Variants in RAI14 observed in about 807,000 individuals in gnomAD.
The protein encoded by RAI14 is ankycorbin.
A neutral mutation model predicts 115.4 loss-of-function variants in RAI14; 45 were observed. That is an observed-to-expected ratio of 0.39 (90% confidence interval 0.31 to 0.50). RAI14 has a LOEUF of 0.50. Among genes scored for constraint, RAI14 ranks in the 20% least tolerant of loss-of-function variants. The probability of loss-of-function intolerance (pLI) is 0.85; values close to 1 mark genes in which losing one functional copy is unlikely to be tolerated. For missense variants in RAI14, 939 were observed against 1,131.2 expected (o/e 0.83, Z 2.44); for synonymous variants, 371 against 415.4 (o/e 0.89, Z 1.30).
At chr5:34,764,572 A>T (rs62355688) in intron 3 of RAI14, among the ~76,000 whole-genome samples, 114 of 146,292 alleles carry the variant, frequency 7.8e-4, no homozygotes, top group Middle Eastern at 3.7e-3. Context: ...TCTCTCTCTC[A>T]CACACAAATA....
At chr5:34,664,725 G>A (rs1742974724) in intron 1 of RAI14, among the ~76,000 whole-genome samples, 1 of 151,626 alleles carries the variant, frequency 6.6e-6, no homozygotes, top group African/African-American at 2.4e-5. Context: ...CCCATCACCT[G>A]AGCAGTATAC....
chr5:34,688,272 C>T, intron 2 of RAI14: 1 of 1,533,690 alleles, frequency 6.5e-7, no homozygotes, highest in Non-Finnish European at 8.8e-7. Flanking sequence ...AAATGTTGCC[C>T]AATTCAGCAG....
intron 2 of RAI14, among the ~76,000 whole-genome samples, chr5:34,707,993 A>C (rs1190643807): frequency 1.3e-5 from 2 of 152,194 alleles, no homozygotes; most frequent in East Asian, 3.9e-4. Context: ...GAAAGGAAGG[A>C]AGTGAAAGTC....
chr5:34,767,647 G>T (rs980028469), intron 3 of RAI14, among the ~76,000 whole-genome samples: 1 of 129,480 alleles, frequency 7.7e-6, no homozygotes, highest in Non-Finnish European at 1.6e-5. Flanking sequence ...CAAGTCTGGC[G>T]TATCATTCAA....
chr5:34,824,946 C>CAAAA (rs1174399473), intron 15 of RAI14, among the ~76,000 whole-genome samples: 41 of 66,520 alleles, frequency 6.2e-4, no homozygotes, highest in Non-Finnish European at 8.9e-4. Context: ...GACTTCATCT[C>CAAAA]AAAAAAAAAA....
At chr5:34,660,685 A>G (rs946088322) in intron 1 of RAI14, among the ~76,000 whole-genome samples, 5 of 151,912 alleles carry the variant, frequency 3.3e-5, no homozygotes, top group African/African-American at 7.3e-5. Flanking sequence ...TTAGTGACGC[A>G]TTTTTACCCT....
chr5:34,810,429 T>C (rs144156408), intron 7 of RAI14, among the ~76,000 whole-genome samples: 8 of 152,324 alleles, frequency 5.3e-5, no homozygotes, highest in African/African-American at 1.9e-4. Context: ...CCCAAAGGGG[T>C]TGCAATTGTC....
At chr5:34,683,624 A>G (rs113387973) in intron 1 of RAI14, among the ~76,000 whole-genome samples, 19 of 152,006 alleles carry the variant, frequency 1.2e-4, no homozygotes, top group African/African-American at 4.6e-4. Context: ...TATCCAATAT[A>G]TGGCCTTCTT....
At chr5:34,807,995 CTGTT>C in intron 6 of RAI14, 138 bp downstream of exon 6, 3 of 741,236 alleles carry the variant, frequency 4.0e-6, no homozygotes, top group Admixed American at 4.6e-5. Flanking sequence ...CCATTTTACT[CTGTT>C]TGTAAAACAT....
Position 34,821,768 on chromosome 5 carries a change from A to G in RAI14, c.1031A>G (p.Asp344Gly). The G allele has an allele frequency of 6.2e-7, 1 of 1,612,362 alleles. No homozygotes were observed. The highest frequency in any genetic ancestry group is 8.5e-7 in the Non-Finnish European group (1 of 1,178,814). The change falls in exon 14 of 18, where the codon GAC becomes GGC. Residue 344 changes from aspartate (D) to glycine (G), a missense_variant. By Grantham distance (94) the Asp-to-Gly change is moderately conservative (BLOSUM62 -1). Transcript: ENST00000265109. ...TTATTGGATATAAGTTCTGAAGCTG[A>G]CCAACAAGATCTTCTCTCTCTATTG... ...DSLLDISSEA[D>G]QQDLLSLLQA... is the part of the protein sequence containing the mutation.
chr5:34,661,982 TCTC>T (rs1388443718), intron 1 of RAI14, among the ~76,000 whole-genome samples: 2 of 152,122 alleles, frequency 1.3e-5, no homozygotes, highest in Admixed American at 6.5e-5. Context: ...AAAGACAAGG[TCTC>T]CTTATGTTTT....
intron 2 of RAI14, among the ~76,000 whole-genome samples, chr5:34,697,206 G>A (rs1320253958): frequency 6.6e-6 from 1 of 152,094 alleles, no homozygotes; most frequent in African/African-American, 2.4e-5. Context: ...GGAGGCCGAG[G>A]TGGGTGGATC....
At chr5:34,772,056 G>C (rs1165222828) in intron 3 of RAI14, among the ~76,000 whole-genome samples, 2 of 152,008 alleles carry the variant, frequency 1.3e-5, no homozygotes, top group East Asian at 3.9e-4. Context: ...CTATAGGTAC[G>C]TGGCACCTCA....
At chr5:34,701,097 A>AT (rs534690719) in intron 2 of RAI14, among the ~76,000 whole-genome samples, 11 of 152,100 alleles carry the variant, frequency 7.2e-5, no homozygotes, top group Non-Finnish European at 1.0e-4. Context: ...CGAAACTCTG[A>AT]TTTTTTTATC....
chr5:34,683,931 G>A (rs1315221347), intron 1 of RAI14, among the ~76,000 whole-genome samples: 3 of 152,164 alleles, frequency 2.0e-5, no homozygotes, highest in African/African-American at 7.2e-5. Context: ...GTTTCACCGT[G>A]TTAGCCAGGA....
chr5:34,763,924 C>T (rs985344432), intron 3 of RAI14, among the ~76,000 whole-genome samples: 4 of 152,186 alleles, frequency 2.6e-5, no homozygotes, highest in African/African-American at 7.2e-5. Context: ...GGTTTCGGCT[C>T]ACTGCAACCT....
intron 3 of RAI14, among the ~76,000 whole-genome samples, chr5:34,777,919 T>A (rs1751088249): frequency 6.6e-6 from 1 of 151,964 alleles, no homozygotes; most frequent in Non-Finnish European, 1.5e-5. Context: ...GAGCTACAAA[T>A]GAATAAACCC....
chr5:34,829,627 G>A (rs1757819340), intron 16 of RAI14, 105 bp from the exon 17 acceptor site: 1 of 834,958 alleles, frequency 1.2e-6, no homozygotes, highest in Non-Finnish European at 1.9e-6. Flanking sequence ...TAAAGTGGAG[G>A]GGACCACTTG....
chr5:34,731,150 T>C (rs931643007), intron 2 of RAI14, among the ~76,000 whole-genome samples: 1 of 152,218 alleles, frequency 6.6e-6, no homozygotes, highest in African/African-American at 2.4e-5. Flanking sequence ...TACAACAAAA[T>C]GCTCTTTGTT....
Sources: allele counts gnomAD v4.1 joint callset (sites outside exome capture counted in the v4.1 genomes callset), GRCh38; gene constraint gnomAD v4.1.1; transcripts MANE v1.5; gene names NCBI Gene and HGNC (gene_info 2026-07-23, HGNC 2026-07-21).